KIAA1671: variants seen among roughly 807,000 people sequenced by gnomAD.
The protein encoded by KIAA1671 is KIAA1671.
A neutral mutation model predicts 131.2 loss-of-function variants in KIAA1671; 52 were observed. That is an observed-to-expected ratio of 0.40 (90% CI 0.32 to 0.50). The LOEUF (loss-of-function observed/expected upper bound fraction) is 0.50, where lower values mean the gene tolerates loss of function less well. KIAA1671 is among the 20% of genes least tolerant of loss of function. KIAA1671 has a pLI of 0.73. For missense variants in KIAA1671, 2,360 were observed against 2,364.2 expected (o/e 1.00, Z 0.04); for synonymous variants, 1,003 against 961.6 (o/e 1.04, Z -0.80).
chr22:25,177,127 T>C (rs1934059927), intron 8 of KIAA1671: 1 of 544,286 alleles, frequency 1.8e-6, no homozygotes, highest in Non-Finnish European at 3.3e-6. Context: ...TCAAGGTTCA[T>C]TGTTCCACCT....
intron 1 of KIAA1671, among the ~76,000 whole-genome samples, chr22:24,966,947 G>A (rs1010964819): frequency 1.3e-5 from 2 of 152,086 alleles, no homozygotes; most frequent in African/African-American, 4.8e-5. Context: ...CAGAGCAAGA[G>A]CCTGTCACAA....
intron 8 of KIAA1671, 133 bp downstream of exon 8, chr22:25,174,622 G>C (rs1933963521): frequency 9.7e-7 from 1 of 1,031,112 alleles, no homozygotes; most frequent in African/African-American, 1.6e-5. Flanking sequence ...CTTTGAAATG[G>C]GACTCACTTA....
intron 8 of KIAA1671, 189 bp from the exon 9 acceptor site, chr22:25,177,159 G>A: frequency 1.7e-6 from 1 of 602,096 alleles, no homozygotes; most frequent in Non-Finnish European, 2.9e-6. Context: ...TCAGCCTATG[G>A]GGTATGTTTT....
At chr22:25,082,737 G>C (rs1312037012) in intron 6 of KIAA1671, among the ~76,000 whole-genome samples, 1 of 152,174 alleles carries the variant, frequency 6.6e-6, no homozygotes, top group African/African-American at 2.4e-5. Flanking sequence ...AAGAGGCTAG[G>C]CAGGAGGATC....
intron 5 of KIAA1671, among the ~76,000 whole-genome samples, chr22:25,042,887 C>T (rs954729757): frequency 1.5e-4 from 23 of 152,102 alleles, no homozygotes; most frequent in Non-Finnish European, 3.2e-4. Context: ...CTGGGGACCC[C>T]GGGAGGCAGC....
chr22:25,150,586 T>TGAGCAGA (rs1933002319), intron 6 of KIAA1671, among the ~76,000 whole-genome samples: 1 of 152,228 alleles, frequency 6.6e-6, no homozygotes, highest in African/African-American at 2.4e-5. Flanking sequence ...GCTCCTCACC[T>TGAGCAGA]GGACTCTACC....
At chr22:24,964,521 A>AAGTGATTC (rs1569193228) in intron 1 of KIAA1671, among the ~76,000 whole-genome samples, 1 of 152,040 alleles carries the variant, frequency 6.6e-6, no homozygotes, top group African/African-American at 2.4e-5. Flanking sequence ...TCCCAGGCTC[A>AAGTGATTC]AGTGATTCTC....
At chr22:25,189,455 G>A (rs1934597214) in intron 11 of KIAA1671, among the ~76,000 whole-genome samples, 1 of 151,986 alleles carries the variant, frequency 6.6e-6, no homozygotes. Context: ...TTACGGGCGT[G>A]AGCCACCGTG....
chr22:24,968,625 C>T (rs1278731774), intron 1 of KIAA1671, among the ~76,000 whole-genome samples: 3 of 152,036 alleles, frequency 2.0e-5, no homozygotes, highest in Non-Finnish European at 2.9e-5. Flanking sequence ...ATGGAGTGTC[C>T]GTGCGATTCT....
At chr22:24,971,390 C>A (rs1454758872) in intron 1 of KIAA1671, among the ~76,000 whole-genome samples, 1 of 152,194 alleles carries the variant, frequency 6.6e-6, no homozygotes, top group Non-Finnish European at 1.5e-5. Flanking sequence ...AGCTCCCTTG[C>A]CAACCGAATA....
chr22:25,105,239 C>T (rs1930937721), intron 6 of KIAA1671, among the ~76,000 whole-genome samples: 1 of 152,114 alleles, frequency 6.6e-6, no homozygotes, highest in African/African-American at 2.4e-5. Context: ...CCATGCTGGT[C>T]TCAAACTCCT....
At chr22:25,115,798 A>G (rs995181481) in intron 6 of KIAA1671, among the ~76,000 whole-genome samples, 2 of 152,116 alleles carry the variant, frequency 1.3e-5, no homozygotes, top group Admixed American at 1.3e-4. Flanking sequence ...TTATTTAGAG[A>G]CAGAGCCTCA....
intron 6 of KIAA1671, among the ~76,000 whole-genome samples, chr22:25,115,576 A>G (rs1374067058): frequency 6.6e-6 from 1 of 152,144 alleles, no homozygotes; most frequent in Non-Finnish European, 1.5e-5. Context: ...TGTTCGTTCC[A>G]CGTTGCTTTT....
chr22:25,137,461 T>C (rs1377804059), intron 6 of KIAA1671, among the ~76,000 whole-genome samples: 1 of 152,246 alleles, frequency 6.6e-6, no homozygotes, highest in Non-Finnish European at 1.5e-5. Context: ...TCATGATGAC[T>C]GTCCTTTGTT....
At chr22:24,965,012 G>A (rs1286255718) in intron 1 of KIAA1671, among the ~76,000 whole-genome samples, 2 of 151,064 alleles carry the variant, frequency 1.3e-5, no homozygotes, top group Non-Finnish European at 2.9e-5. Context: ...TTCTTCTGCA[G>A]AAAGAAGATG....
intron 2 of KIAA1671, 110 bp from the exon 3 acceptor site, chr22:25,027,835 G>A (rs1206385456): frequency 5.1e-6 from 3 of 585,984 alleles, no homozygotes; most frequent in Admixed American, 3.5e-5. Flanking sequence ...GAGGGCTGTC[G>A]TATGGAATCT....
intron 1 of KIAA1671, among the ~76,000 whole-genome samples, chr22:25,001,191 A>ATGTG (rs1555951915): frequency 6.6e-6 from 1 of 151,506 alleles, no homozygotes; most frequent in African/African-American, 2.4e-5. Context: ...ACGTGTGTAT[A>ATGTG]TATGTGTGTA....
chr22:25,186,816 AAGAC>A (rs1028107215), intron 11 of KIAA1671, among the ~76,000 whole-genome samples: 5 of 152,204 alleles, frequency 3.3e-5, no homozygotes, highest in African/African-American at 1.2e-4. Flanking sequence ...ACATTAGAGA[AAGAC>A]AGGGCCATAG....
intron 5 of KIAA1671, among the ~76,000 whole-genome samples, chr22:25,042,469 T>TG (rs1218869270): frequency 3.4e-5 from 5 of 145,756 alleles, no homozygotes; most frequent in South Asian, 2.3e-4. Flanking sequence ...CCTTGTTTTT[T>TG]TTTTTTTTTT....
Sources: allele counts gnomAD v4.1 joint callset (sites outside exome capture counted in the v4.1 genomes callset), GRCh38; gene constraint gnomAD v4.1.1; transcripts MANE v1.5; gene names NCBI Gene and HGNC (gene_info 2026-07-23, HGNC 2026-07-21).